The following LHFPL3 variants were observed in gnomAD, a reference collection of about 807,000 sequenced individuals.
LHFPL3 encodes the protein LHFPL tetraspan subfamily member 3 protein.
Under a neutral mutation model 19.3 loss-of-function variants are expected in LHFPL3, and 5 were observed. The observed-to-expected ratio is 0.26, with a 90% confidence interval of 0.14 to 0.54. The LOEUF (loss-of-function observed/expected upper bound fraction) is 0.54, where lower values mean the gene tolerates loss of function less well. Among genes scored for constraint, LHFPL3 ranks in the 20% least tolerant of loss-of-function variants. The pLI is 0.94. For missense variants in LHFPL3, 249 were observed against 307.4 expected (o/e 0.81, Z 1.42); for synonymous variants, 133 against 126.2 (o/e 1.05, Z -0.36).
chr7:104,417,967 C>T (rs1367193287), intron 1 of LHFPL3, among the ~76,000 whole-genome samples: 2 of 147,968 alleles, frequency 1.4e-5, no homozygotes, highest in Middle Eastern at 3.3e-3. Flanking sequence ...ACTGTAGCCT[C>T]TGCCTCCTGG....
intron 1 of LHFPL3, among the ~76,000 whole-genome samples, chr7:104,589,949 G>A (rs989492251): frequency 5.9e-5 from 9 of 152,112 alleles, no homozygotes; most frequent in Non-Finnish European, 7.4e-5. Context: ...CTGTGGGATC[G>A]GTGGTGATAT....
chr7:104,560,009 C>T (rs1259123163), intron 1 of LHFPL3, among the ~76,000 whole-genome samples: 1 of 149,456 alleles, frequency 6.7e-6, no homozygotes, highest in Non-Finnish European at 1.5e-5. Flanking sequence ...TTGAACCAGC[C>T]TTGCATCCCA....
intron 2 of LHFPL3, among the ~76,000 whole-genome samples, chr7:104,816,437 G>T (rs935963559): frequency 1.3e-5 from 2 of 152,162 alleles, no homozygotes; most frequent in Non-Finnish European, 2.9e-5. Flanking sequence ...AAGATAATCA[G>T]ATAGTTTATA....
Position 104,661,411 on chromosome 7 carries a change from G to A in LHFPL3, c.446-75264G>A, listed in dbSNP as rs373052653. On this transcript the variant is annotated intron_variant, in intron 1 of 2. Transcript: ENST00000424859. ...CATTTTGGACCATCGTTTGAAAGAG[G>A]AGACCACCAAACTACCCTTACTCAC... Among the ~76,000 whole-genome samples, 6 of 152,216 alleles carry A rather than the reference G, an allele frequency of 3.9e-5. No homozygotes were observed. The East Asian group carries it at 9.6e-4, about 24-fold the overall frequency.
At chr7:104,442,514 A>C (rs1338094989) in intron 1 of LHFPL3, among the ~76,000 whole-genome samples, 1 of 152,232 alleles carries the variant, frequency 6.6e-6, no homozygotes, top group African/African-American at 2.4e-5. Flanking sequence ...TGTTTAACTC[A>C]GTACATTGCT....
At chr7:104,790,364 C>G (rs917558131) in intron 2 of LHFPL3, among the ~76,000 whole-genome samples, 4 of 152,190 alleles carry the variant, frequency 2.6e-5, no homozygotes, top group South Asian at 2.1e-4. Context: ...CTCCCATAGA[C>G]AGAGCCTGCT....
At chr7:104,744,802 C>T (rs543003267) in intron 2 of LHFPL3, among the ~76,000 whole-genome samples, 1 of 152,294 alleles carries the variant, frequency 6.6e-6, no homozygotes, top group Non-Finnish European at 1.5e-5. Context: ...GGTCACTGAC[C>T]TTGCCTAATT....
chr7:104,335,404 T>G (rs990873838), intron 1 of LHFPL3, among the ~76,000 whole-genome samples: 3 of 152,218 alleles, frequency 2.0e-5, no homozygotes, highest in African/African-American at 7.2e-5. Flanking sequence ...CAAGACAAAC[T>G]TACAAGAAAG....
rs114257758 is a variant in LHFPL3 at position 104,761,101 on chromosome 7, G to C, written c.682+24190G>C. The stretch of plus-strand genomic sequence containing the variant: ...CCATCAGAAATATGGGAGCATTTAT[G>C]TGTTCAAAACTGCAAAGAGAGGCAG... On this transcript the variant is annotated intron_variant, in intron 2 of 2. Transcript: ENST00000424859. Among the ~76,000 whole-genome samples, 725 of 152,222 alleles carry C rather than the reference G, an allele frequency of 4.8e-3. 5 individuals are homozygous for C. The highest frequency in any genetic ancestry group is 0.016 in the African/African-American group (669 of 41,540).
At chr7:104,652,243 A>G (rs1429227011) in intron 1 of LHFPL3, among the ~76,000 whole-genome samples, 3 of 152,170 alleles carry the variant, frequency 2.0e-5, no homozygotes, top group Non-Finnish European at 4.4e-5. Flanking sequence ...GAAGCCATGA[A>G]TGAGGGTGTG....
intron 2 of LHFPL3, among the ~76,000 whole-genome samples, chr7:104,875,956 C>G (rs1442006771): frequency 1.3e-5 from 2 of 152,178 alleles, no homozygotes; most frequent in Non-Finnish European, 2.9e-5. Flanking sequence ...ATCCTTGGAG[C>G]CCCAATGCCT....
chr7:104,401,596 A>G (rs946246522), intron 1 of LHFPL3, among the ~76,000 whole-genome samples: 3 of 152,224 alleles, frequency 2.0e-5, no homozygotes, highest in East Asian at 1.9e-4. Flanking sequence ...ATTTTATTTA[A>G]GGAACAAAAA....
chr7:104,583,544 T>A (rs1196826210), intron 1 of LHFPL3, among the ~76,000 whole-genome samples: 1 of 152,106 alleles, frequency 6.6e-6, no homozygotes, highest in Non-Finnish European at 1.5e-5. Context: ...TGGGGTAAAA[T>A]TTTTGCAACC....
chr7:104,360,032 A>T (rs977758415), intron 1 of LHFPL3, among the ~76,000 whole-genome samples: 2 of 152,272 alleles, frequency 1.3e-5, no homozygotes, highest in Non-Finnish European at 2.9e-5. Flanking sequence ...CTTCAATTGC[A>T]GGACAGTCTG....
At position 104,762,077 on chromosome 7, in the gene LHFPL3, C is replaced by T. The variant is rs146635839; in HGVS notation, c.682+25166C>T. On this transcript the variant is annotated intron_variant, in intron 2 of 2. Coordinates refer to ENST00000424859, the MANE Select transcript of LHFPL3 (RefSeq NM_199000.3). ...AGATTCTGCATATCTAATAAGCTCC[C>T]AGCGATGCCAGTGTGTCACCTGAGC... 6.9e-3 allele frequency among the ~76,000 whole-genome samples: 1,046 copies of T among 152,250 alleles called. 16 individuals carry two copies. Among genetic ancestry groups the T allele is most frequent in the African/African-American group, 0.023 (942 of 41,534 alleles).
At chr7:104,664,122 T>C (rs994974779) in intron 1 of LHFPL3, among the ~76,000 whole-genome samples, 12 of 152,178 alleles carry the variant, frequency 7.9e-5, no homozygotes, top group Non-Finnish European at 1.6e-4. Context: ...TTTTGTCCAC[T>C]AGAGCTAGAA....
intron 1 of LHFPL3, among the ~76,000 whole-genome samples, chr7:104,606,927 G>C (rs1791113354): frequency 6.6e-6 from 1 of 152,062 alleles, no homozygotes; most frequent in Non-Finnish European, 1.5e-5. Context: ...GACTGCAGGA[G>C]GGTTCAGTTA....
chr7:104,860,340 C>T (rs1791596103), intron 2 of LHFPL3, among the ~76,000 whole-genome samples: 1 of 152,150 alleles, frequency 6.6e-6, no homozygotes, highest in African/African-American at 2.4e-5. Context: ...GTAGTTACTT[C>T]CAGCAATATA....
At chr7:104,906,105 C>A in intron 2 of LHFPL3, 82 bp from the exon 3 acceptor site, 2 of 1,319,120 alleles carry the variant, frequency 1.5e-6, no homozygotes, top group Non-Finnish European at 2.1e-6. Flanking sequence ...AAATATTATG[C>A]ACAAAAATCT....
Sources: gnomAD v4.1 joint callset for allele counts (sites outside exome capture counted in the v4.1 genomes callset) on GRCh38, gnomAD v4.1.1 for gene constraint, MANE v1.5 for transcripts, NCBI Gene and HGNC (gene_info 2026-07-23, HGNC 2026-07-21) for gene names.